Variants in SYNE1 observed in about 807,000 individuals in gnomAD.
SYNE1 encodes the protein nesprin-1.
Under a neutral mutation model 1,111.0 loss-of-function variants are expected in SYNE1, and 616 were observed. The ratio of observed to expected loss-of-function variants is 0.55; its 90% CI spans 0.52 to 0.59. The LOEUF is 0.59. SYNE1 is among the 20% of genes least tolerant of loss of function. The pLI is 0.00. For missense variants in SYNE1, 10,006 were observed against 10,417.0 expected (o/e 0.96, Z 1.72); for synonymous variants, 3,855 against 3,825.8 (o/e 1.01, Z -0.28).
intron 4 of SYNE1, among the ~76,000 whole-genome samples, chr6:152,534,781 G>A (rs2099225845): frequency 6.6e-6 from 1 of 152,128 alleles, no homozygotes; most frequent in Non-Finnish European, 1.5e-5. Context: ...CAGCACTGCT[G>A]GTGGAAAGAC....
At chr6:152,173,310 A>G (rs547480835) in intron 130 of SYNE1, among the ~76,000 whole-genome samples, 2 of 152,318 alleles carry the variant, frequency 1.3e-5, no homozygotes, top group South Asian at 4.1e-4. Flanking sequence ...ATTGAATATT[A>G]AAGACACAGT....
At chr6:152,140,189 G>A (rs777732194) in intron 139 of SYNE1, 28 bp from the exon 140 acceptor site, 2 of 1,609,074 alleles carry the variant, frequency 1.2e-6, no homozygotes, top group African/African-American at 1.3e-5. Context: ...GAACAGTGAG[G>A]TTATTTTCCT....
At chr6:152,266,974 A>G (rs1411693793) in intron 100 of SYNE1, among the ~76,000 whole-genome samples, 2 of 152,138 alleles carry the variant, frequency 1.3e-5, no homozygotes, top group East Asian at 1.9e-4. Context: ...GTTCTTATCT[A>G]CACACATACT....
intron 121 of SYNE1, among the ~76,000 whole-genome samples, chr6:152,216,875 G>C (rs1373823507): frequency 6.6e-6 from 1 of 151,864 alleles, no homozygotes; most frequent in African/African-American, 2.4e-5. Context: ...CCAACATAGT[G>C]AACCACCCCC....
intron 61 of SYNE1, chr6:152,367,605 C>T: frequency 1.8e-6 from 1 of 568,932 alleles, no homozygotes; most frequent in Non-Finnish European, 3.1e-6. Context: ...AATTTTATGC[C>T]TCTCCAATTC....
chr6:152,224,768 G>T lies in SYNE1; in HGVS notation c.21352-104C>A. 5.0e-6 allele frequency: 6 copies of T among 1,194,322 alleles called. No homozygotes were observed. The South Asian group carries it at 5.3e-5, about 10-fold the overall frequency. The allele number at this position is 1,194,322 out of a possible 1,614,324, so 74.0% of individuals were successfully genotyped here. A position where few individuals can be genotyped will look rare whatever the true frequency, so the allele number is the denominator to read the frequency against. ...ATTAACATCTAAGAACTTCATCAGGGTTTCAGGTATCATAAACAAACAAAA... is the reference window on the plus strand; with the variant it reads ...ATTAACATCTAAGAACTTCATCAGGTTTTCAGGTATCATAAACAAACAAAA... On this transcript the variant is annotated intron_variant, in intron 116 of 145. Transcript: ENST00000367255.
intron 30 of SYNE1, among the ~76,000 whole-genome samples, chr6:152,442,583 C>A (rs1044441181): frequency 8.5e-5 from 13 of 152,122 alleles, no homozygotes; most frequent in African/African-American, 3.1e-4. Flanking sequence ...TTATTTTCTG[C>A]TTAAAAACAC....
rs562421535 is a variant in SYNE1 at position 152,509,254 on chromosome 6, T to C, written c.581+939A>G. 2.8e-4 allele frequency among the ~76,000 whole-genome samples: 39 copies of C among 141,580 alleles called. 1 individual carries two copies. The highest frequency in any genetic ancestry group is 3.6e-3 in the Middle Eastern group (1 of 280). 92.9% of individuals were successfully genotyped at this position (141,580 alleles called of 152,430 possible). A position where few individuals can be genotyped will look rare whatever the true frequency, so the allele number is the denominator to read the frequency against. ...CTTTTTCTTTTTTCTTTTTCTTTTT[T>C]TTTTTTTTTTTTTTGAGATGGAGTC... is the stretch of plus-strand genomic sequence containing the variant. On this transcript the variant is annotated intron_variant, in intron 8 of 145. Transcript: ENST00000367255.
chr6:152,228,746 C>T (rs2082124069), intron 115 of SYNE1, among the ~76,000 whole-genome samples: 1 of 152,090 alleles, frequency 6.6e-6, no homozygotes, highest in African/African-American at 2.4e-5. Flanking sequence ...AAAGTTATGA[C>T]ATTTTGTCCT....
chr6:152,456,069 C>T, intron 22 of SYNE1, 25 bp from the exon 23 acceptor site: 1 of 1,608,334 alleles, frequency 6.2e-7, no homozygotes, highest in Admixed American at 1.7e-5. Context: ...AACCCCACAA[C>T]AATGTTATTT....
chr6:152,528,384 A>G (rs950853353), intron 4 of SYNE1, among the ~76,000 whole-genome samples: 1 of 152,216 alleles, frequency 6.6e-6, no homozygotes, highest in African/African-American at 2.4e-5. Flanking sequence ...AAAAAAAATT[A>G]GTAATTACTG....
intron 3 of SYNE1, among the ~76,000 whole-genome samples, chr6:152,604,944 C>CAAAGAAAGAAAGAAAG (rs1185668483): frequency 6.1e-5 from 4 of 65,864 alleles, no homozygotes; most frequent in East Asian, 5.8e-4. Flanking sequence ...CCCTATCTCA[C>CAAAGAAAGAAAGAAAG]AAAGAAAGAA....
At chr6:152,458,365 C>A (rs1472680213) in intron 22 of SYNE1, among the ~76,000 whole-genome samples, 1 of 152,158 alleles carries the variant, frequency 6.6e-6, no homozygotes, top group African/African-American at 2.4e-5. Flanking sequence ...GCATGGCTTA[C>A]GCGTGCACAC....
In SYNE1 at chr6:152,458,885, A is replaced by G. The variant is rs368201364; in HGVS notation, c.2440T>C (p.Leu814=). The change falls in exon 22 of 146, where the codon TTG becomes CTG. Residue 814 remains leucine, a synonymous_variant. Transcript: ENST00000367255. Reference sequence around the variant, plus strand: ...TTTTCTAATTCCTCCAACGGAATCAACAGCTGCTGAGACTCATAAAGGAGT... The same window carrying G: ...TTTTCTAATTCCTCCAACGGAATCAGCAGCTGCTGAGACTCATAAAGGAGT... The part of the protein sequence containing the change: ...SPLLYESQQL[L]IPLEELEKQM... The G allele has an allele frequency of 8.1e-6, 13 of 1,613,972 alleles. No individual in the cohort carries two copies. The African/African-American group carries it at 1.3e-4, about 17-fold the overall frequency.
In SYNE1 at chr6:152,262,094, G is replaced by A. The variant is rs778254946; in HGVS notation, c.18910C>T (p.Gln6304Ter). The A allele has an allele frequency of 6.2e-7, 1 of 1,613,752 alleles. No homozygotes were observed. Among genetic ancestry groups the A allele is most frequent in the African/African-American group, 1.3e-5 (1 of 74,968 alleles). Residue 6304 changes from glutamine to a stop codon, truncating the protein, a stop_gained, in exon 101 of 146, where the codon CAA becomes TAA. Transcript: ENST00000367255. LOFTEE classifies it high-confidence loss of function. The stretch of plus-strand genomic sequence containing the variant: ...AGTTTCTGCTTGGTACTAAATTCTT[G>A]ATGTAGGCTTTCCCATTTCATTCTC... Reference protein sequence around the residue: ...QMRMKWESLHQEFSTKQKLLQ... With the variant: ...QMRMKWESLH
intron 3 of SYNE1, among the ~76,000 whole-genome samples, chr6:152,555,757 A>C (rs1362343384): frequency 6.6e-6 from 1 of 152,224 alleles, no homozygotes; most frequent in African/African-American, 2.4e-5. Flanking sequence ...ATATAAACAA[A>C]CATCATAACT....
rs748623485 is a variant in SYNE1 at position 152,208,052 on chromosome 6, C to T, written c.22744G>A (p.Val7582Met). ...AEKLRKWLVE[V>M]SYLPMSGLGS... is the part of the protein sequence containing the mutation. ...AGACCACTCATGGGGAGGTAGGACACTTCAACCAACCATTTACGAAGCTTT... is the reference window on the plus strand; with the variant it reads ...AGACCACTCATGGGGAGGTAGGACATTTCAACCAACCATTTACGAAGCTTT... The change falls in exon 125 of 146, where the codon GTG becomes ATG. Residue 7582 changes from valine (V) to methionine (M), a missense_variant. Physicochemically the swap from Val to Met is conservative, Grantham distance 21. Coordinates refer to ENST00000367255, the MANE Select transcript of SYNE1 (RefSeq NM_182961.4). 1.1e-5 allele frequency: 17 copies of T among 1,614,024 alleles called. No individual in the cohort carries two copies. In the Admixed American group the frequency reaches 2.8e-4, roughly 27 times the overall value.
At chr6:152,465,505 A>G (rs1475538132) in intron 17 of SYNE1, 45 bp from the exon 18 acceptor site, 1 of 1,551,484 alleles carries the variant, frequency 6.4e-7, no homozygotes, top group East Asian at 2.3e-5. Flanking sequence ...CATATTTTAA[A>G]TCCTCTACAC....
chr6:152,370,004 A>AC (rs2097152090), intron 59 of SYNE1, among the ~76,000 whole-genome samples: 1 of 151,156 alleles, frequency 6.6e-6, no homozygotes, highest in African/African-American at 2.4e-5. Flanking sequence ...AAAAAAAAAA[A>AC]AAAATTCCAC....
Sources: gnomAD v4.1 joint callset for allele counts (sites outside exome capture counted in the v4.1 genomes callset) on GRCh38, gnomAD v4.1.1 for gene constraint, MANE v1.5 for transcripts, NCBI Gene and HGNC (gene_info 2026-07-23, HGNC 2026-07-21) for gene names.